The following SLC17A9 variants were observed in gnomAD, a reference collection of about 807,000 sequenced individuals.
SLC17A9 encodes solute carrier family 17 member 9, also known as voltage-gated purine nucleotide uniporter SLC17A9.
In SLC17A9, 49 loss-of-function variants were observed where a neutral mutation model predicts 55.0. The ratio of observed to expected loss-of-function variants is 0.89; its 90% CI spans 0.71 to 1.13. SLC17A9 has a LOEUF of 1.13. Ranked by LOEUF, SLC17A9 falls within the 50% of genes most tolerant of loss-of-function variation. The probability of loss-of-function intolerance (pLI) is 0.00; values close to 1 mark genes in which losing one functional copy is unlikely to be tolerated. For missense variants in SLC17A9, 526 were observed against 569.3 expected (o/e 0.92, Z 0.77); for synonymous variants, 256 against 247.4 (o/e 1.03, Z -0.32).
chr20:62,960,625 G>C (rs745835085), intron 4 of SLC17A9, 22 bp downstream of exon 4: 14 of 1,599,844 alleles, frequency 8.8e-6, no homozygotes, highest in Non-Finnish European at 1.2e-5. Flanking sequence ...CCTAAGACGG[G>C]GCCCAGGAGA....
chr20:62,957,343 C>G (rs2065545622), intron 2 of SLC17A9, 98 bp from the exon 3 acceptor site: 1 of 1,504,794 alleles, frequency 6.6e-7, no homozygotes, highest in Non-Finnish European at 8.8e-7. Flanking sequence ...ACAGGCCAGG[C>G]CCAGCTCTGA....
At chr20:62,967,083 C>G in intron 12 of SLC17A9, 3 of 583,232 alleles carry the variant, frequency 5.1e-6, no homozygotes, top group Non-Finnish European at 9.0e-6. Context: ...TCCCATTTTC[C>G]TTTCAGCGGG....
At position 62,965,174 on chromosome 20, in the gene SLC17A9, A is replaced by G; in HGVS notation, c.945+8A>G. 1.2e-6 allele frequency: 2 copies of G among 1,614,072 alleles called. No homozygotes were observed. The highest frequency in any genetic ancestry group is 1.7e-6 in the Non-Finnish European group (2 of 1,180,004). On this transcript the variant is annotated splice_region_variant and intron_variant, in intron 9 of 12. Transcript: ENST00000370351. ...GTGCGGAAGCTCATGCAGGTAGGAG[A>G]ATCATTCCGGTCGTTCTCTCTGGAT...
chr20:62,963,521 G>A (rs1274412698), intron 6 of SLC17A9, 63 bp from the exon 7 acceptor site: 26 of 1,540,252 alleles, frequency 1.7e-5, no homozygotes, highest in Non-Finnish European at 2.2e-5. Flanking sequence ...TCTCGGGGTG[G>A]GTCCCACAGG....
rs750714343 is a variant in SLC17A9, at chr20:62,965,702, C to T, written c.1038C>T (p.Ile346=). The T allele has an allele frequency of 1.2e-5, 20 of 1,613,902 alleles. No individual in the cohort carries two copies. Among genetic ancestry groups the T allele is most frequent in the African/African-American group, 1.3e-5 (1 of 75,060 alleles). ...CTGTGGTCTTTGCATCAGCCTCCAT[C>T]GGCCTCCAGACCTTCAACCACAGGT... ...CESVVFASAS[I]GLQTFNHSGI... is the part of the protein sequence containing the mutation. The change falls in exon 10 of 13, where the codon ATC becomes ATT. Residue 346 remains isoleucine, a synonymous_variant. Transcript: ENST00000370351.
intron 12 of SLC17A9, 136 bp from the exon 13 acceptor site, chr20:62,967,201 G>C: frequency 9.5e-7 from 1 of 1,053,656 alleles, no homozygotes; most frequent in South Asian, 1.5e-5. Context: ...ACTGAATTCA[G>C]CCCTGGGAAC....
intron 3 of SLC17A9, 92 bp downstream of exon 3, chr20:62,957,672 T>C: frequency 2.5e-5 from 27 of 1,083,358 alleles, no homozygotes; most frequent in Non-Finnish European, 3.0e-5. Flanking sequence ...GGTGCATGCG[T>C]GCATGCAGGT....
chr20:62,953,803 G>A (rs1207864829), intron 1 of SLC17A9, among the ~76,000 whole-genome samples: 2 of 152,256 alleles, frequency 1.3e-5, no homozygotes, highest in East Asian at 1.9e-4. Context: ...TGCCACCATC[G>A]GATGTTGGCA....
In SLC17A9 at chr20:62,964,353, C is replaced by T. The variant is rs201376849; in HGVS notation, c.910+38C>T. Reference sequence around the variant, plus strand: ...GAGGGGACCGGGGCTGGAAGCCACACCCTGGTTCACCTCGCTTTCGAGGGG... The same window carrying T: ...GAGGGGACCGGGGCTGGAAGCCACATCCTGGTTCACCTCGCTTTCGAGGGG... On this transcript the variant is annotated intron_variant, in intron 8 of 12. Transcript: ENST00000370351. The T allele has an allele frequency of 2.1e-5, 33 of 1,598,546 alleles. No individual in the cohort carries two copies. In the Middle Eastern group the frequency reaches 5.0e-4, roughly 24 times the overall value.
At position 62,962,427 on chromosome 20, in the gene SLC17A9, C is replaced by A; in HGVS notation, c.498-197C>A. 1 of 537,104 alleles carries A rather than the reference C, an allele frequency of 1.9e-6. No homozygotes were observed. Among genetic ancestry groups the A allele is most frequent in the Non-Finnish European group, 3.1e-6 (1 of 317,738 alleles). The allele number at this position is 537,104 out of a possible 1,614,324, so 33.3% of individuals were successfully genotyped here. On this transcript the variant is annotated intron_variant, in intron 4 of 12. Coordinates refer to ENST00000370351, the MANE Select transcript of SLC17A9 (RefSeq NM_022082.4). This position sits in a 1 kb window ranked among gnomAD's most constrained non-coding sequence, Gnocchi z 5.5. ...CCAGGTTCGCCCCAGCCCTGTGTGC[C>A]CGGAGTCTCCCCTGAGTACCCGAAG...
chr20:62,965,125 C>T lies in SLC17A9; in HGVS notation c.911-7C>T, dbSNP rs771374280. 4.7e-5 allele frequency: 76 copies of T among 1,613,952 alleles called. No homozygotes were observed. Among genetic ancestry groups the T allele is most frequent in the Admixed American group, 3.0e-4 (18 of 60,014 alleles). On this transcript the variant is annotated splice_polypyrimidine_tract_variant and splice_region_variant and intron_variant, in intron 8 of 12. Coordinates refer to ENST00000370351, the MANE Select transcript of SLC17A9 (RefSeq NM_022082.4). ...ACGGGAGCCCCTTCCTTGGCCTCCC[C>T]CTGTAGGTTACAGAGCCATCACGGT... is the stretch of plus-strand genomic sequence containing the variant.
rs190807854 is a variant in SLC17A9, at chr20:62,962,470, C to T, written c.498-154C>T. 31 of 949,264 alleles carry T rather than the reference C, an allele frequency of 3.3e-5. No homozygotes were observed. The South Asian group carries it at 5.2e-4, about 16-fold the overall frequency. 58.8% of individuals were successfully genotyped at this position (949,264 alleles called of 1,614,324 possible). On this transcript the variant is annotated intron_variant, in intron 4 of 12. Coordinates refer to ENST00000370351, the MANE Select transcript of SLC17A9 (RefSeq NM_022082.4). This position sits in a 1 kb window ranked among gnomAD's most constrained non-coding sequence, Gnocchi z 5.5. ...ACCCGAAGTCCTTAACAAAACAGGC[C>T]AGGACGGTGGCTTCTGAGCTGCTCC...
At chr20:62,953,572 G>A (rs1156890364) in intron 1 of SLC17A9, among the ~76,000 whole-genome samples, 1 of 152,238 alleles carries the variant, frequency 6.6e-6, no homozygotes, top group Non-Finnish European at 1.5e-5. Flanking sequence ...TGAACCCCTT[G>A]GCTCTGGGTC....
chr20:62,964,357 G>C (rs1476778714), intron 8 of SLC17A9, 42 bp downstream of exon 8: 9 of 1,597,784 alleles, frequency 5.6e-6, no homozygotes, highest in Non-Finnish European at 7.7e-6. Flanking sequence ...GCCACACCCT[G>C]GTTCACCTCG....
rs895041083 is a variant in SLC17A9 at position 62,967,823 on chromosome 20, C to T, written c.*323C>T. 1.6e-4 allele frequency: 39 copies of T among 238,764 alleles called. No homozygotes were observed. Among genetic ancestry groups the T allele is most frequent in the African/African-American group, 7.2e-4 (32 of 44,208 alleles). The allele number at this position is 238,764 out of a possible 1,614,324, so 14.8% of individuals were successfully genotyped here. ...AGTAGGCGCAGCCTCATTCCCACCA[C>T]GATCTGTTCCGCGTGGTTCCCGCCA... On this transcript the variant is annotated 3_prime_UTR_variant, in exon 13 of 13. Transcript: ENST00000370351.
intron 3 of SLC17A9, among the ~76,000 whole-genome samples, chr20:62,959,208 G>A (rs1354635776): frequency 6.6e-6 from 1 of 152,188 alleles, no homozygotes; most frequent in African/African-American, 2.4e-5. Flanking sequence ...TCTAAGTGTC[G>A]CTGAGAAGAC....
chr20:62,962,735 G>A lies in SLC17A9; in HGVS notation c.609G>A (p.Arg203=). The A allele has an allele frequency of 1.2e-6, 2 of 1,613,972 alleles. No homozygotes were observed. The change falls in exon 5 of 13, where the codon AGG becomes AGA. Residue 203 remains arginine (R), a synonymous_variant. Coordinates refer to ENST00000370351, the MANE Select transcript of SLC17A9 (RefSeq NM_022082.4). The surrounding 1 kb of genome is among the most constrained non-coding windows in gnomAD (Gnocchi z 5.5). The part of the protein sequence containing the change: ...LTLLWVWYVY[R]YLLSEKDLIL... ...TGCTTTGGGTGTGGTACGTGTACAG[G>A]TACCTGCTGAGTGAAAAAGGTAACG...
chr20:62,957,084 T>G, intron 2 of SLC17A9, 122 bp downstream of exon 2: 2 of 1,369,334 alleles, frequency 1.5e-6, no homozygotes, highest in Non-Finnish European at 2.0e-6. Context: ...AGGAGCTTGG[T>G]GGACACAGAG....
At chr20:62,957,663 GTGCA>G (rs2065549308) in intron 3 of SLC17A9, 83 bp downstream of exon 3, 1 of 1,177,674 alleles carries the variant, frequency 8.5e-7, no homozygotes, top group Admixed American at 3.0e-5. Context: ...GTGTGTGCAG[GTGCA>G]TGCGTGCATG....
Sources: allele counts gnomAD v4.1 joint callset (sites outside exome capture counted in the v4.1 genomes callset), GRCh38; gene constraint gnomAD v4.1.1; non-coding constraint Gnocchi (gnomAD v3.1); transcripts MANE v1.5; gene names NCBI Gene and HGNC (gene_info 2026-07-23, HGNC 2026-07-21).